The following NHEJ1 variants were observed in gnomAD, a reference collection of about 807,000 sequenced individuals.
The protein encoded by NHEJ1 is non-homologous end-joining factor 1.
A neutral mutation model predicts 39.4 loss-of-function variants in NHEJ1; 22 were observed. The ratio of observed to expected loss-of-function variants is 0.56; its 90% CI spans 0.40 to 0.80. The LOEUF is 0.80. Ranked by LOEUF, NHEJ1 falls within the 30% of genes least tolerant of loss-of-function variation. The pLI, the probability that NHEJ1 is intolerant of heterozygous loss-of-function variation, is 0.00. For missense variants in NHEJ1, 329 were observed against 357.1 expected (o/e 0.92, Z 0.63); for synonymous variants, 154 against 135.6 (o/e 1.14, Z -0.94).
chr2:219,090,420 T>C (rs1305151596), intron 5 of NHEJ1, among the ~76,000 whole-genome samples: 5 of 152,200 alleles, frequency 3.3e-5, no homozygotes, highest in Non-Finnish European at 7.3e-5. Flanking sequence ...GCCTGGCACA[T>C]AGGAAGGGCT....
rs961690810 is a variant in NHEJ1, at chr2:219,073,742, A to AGCCCTG, written c.*2633_*2638dup. On this transcript the variant is annotated 3_prime_UTR_variant, in exon 8 of 8. Coordinates refer to ENST00000356853, the MANE Select transcript of NHEJ1 (RefSeq NM_024782.3). ...GAAAGAGTCCCTTCTCCCACCAGCCAGCCCTGGCCCCAGCCCCAGCCCCGG... is the reference window on the plus strand; with the variant it reads ...GAAAGAGTCCCTTCTCCCACCAGCCAGCCCTGGCCCTGGCCCCAGCCCCAGCCCCGG... 6.6e-6 allele frequency among the ~76,000 whole-genome samples: 1 copy of AGCCCTG among 152,352 alleles called. No individual in the cohort carries two copies. Among genetic ancestry groups the AGCCCTG allele is most frequent in the African/African-American group, 2.4e-5 (1 of 41,590 alleles).
chr2:219,127,977 T>A (rs747652387), intron 5 of NHEJ1, among the ~76,000 whole-genome samples: 1 of 152,226 alleles, frequency 6.6e-6, no homozygotes, highest in Non-Finnish European at 1.5e-5. Flanking sequence ...TGAGATCAGA[T>A]TGCTTTTTAC....
intron 3 of NHEJ1, 127 bp from the exon 4 acceptor site, chr2:219,147,922 T>C: frequency 1.1e-6 from 1 of 903,714 alleles, no homozygotes; most frequent in Non-Finnish European, 1.7e-6. Flanking sequence ...CATAGGCAAG[T>C]AACCCATTTA....
chr2:219,159,348 AAT>A (rs754994403), intron 1 of NHEJ1: 3 of 151,736 alleles, frequency 2.0e-5, no homozygotes, highest in Non-Finnish European at 4.4e-5. Context: ...GGGAGAAAAA[AAT>A]ATGTCAATTT....
rs745329739 is a variant in NHEJ1 at position 219,078,073 on chromosome 2, C to T, written c.706+16G>A. 2.8e-5 allele frequency: 44 copies of T among 1,580,208 alleles called. No individual in the cohort carries two copies. The East Asian group carries it at 9.8e-4, about 35-fold the overall frequency. ...ATTGTATCCTCACACAGACCGGGTACCTCTGGAGGGCTCACCAGCGCCTTG... is the reference window on the plus strand; with the variant it reads ...ATTGTATCCTCACACAGACCGGGTATCTCTGGAGGGCTCACCAGCGCCTTG... On this transcript the variant is annotated intron_variant, in intron 6 of 7. Transcript: ENST00000356853.
In NHEJ1 at chr2:219,071,467, T is replaced by C. The variant is rs1224916426; in HGVS notation, c.*4914A>G. Among the ~76,000 whole-genome samples, 3 of 152,226 alleles carry C rather than the reference T, an allele frequency of 2.0e-5. No homozygotes were observed. Among genetic ancestry groups the C allele is most frequent in the African/African-American group, 4.8e-5 (2 of 41,446 alleles). The stretch of plus-strand genomic sequence containing the variant: ...ATTTCCACAGCAGGATTATAGGATC[T>C]GATTAACCATGTTAGACAACAATGC... On this transcript the variant is annotated 3_prime_UTR_variant, in exon 8 of 8. Coordinates refer to ENST00000356853, the MANE Select transcript of NHEJ1 (RefSeq NM_024782.3).
intron 5 of NHEJ1, among the ~76,000 whole-genome samples, chr2:219,132,851 A>G (rs1212462717): frequency 6.6e-6 from 1 of 152,234 alleles, no homozygotes; most frequent in African/African-American, 2.4e-5. Context: ...TTATGTATTT[A>G]GAATATTCTT....
At chr2:219,076,890 T>C (rs929254145) in intron 7 of NHEJ1, among the ~76,000 whole-genome samples, 2 of 152,174 alleles carry the variant, frequency 1.3e-5, no homozygotes, top group Admixed American at 1.3e-4. Context: ...TTGAAGTCTA[T>C]GTCAGACAGC....
chr2:219,103,155 A>C (rs554732229), intron 5 of NHEJ1, among the ~76,000 whole-genome samples: 1 of 146,816 alleles, frequency 6.8e-6, no homozygotes, highest in African/African-American at 2.6e-5. Context: ...CACTCTTTAT[A>C]AAAAAAAGCA....
chr2:219,081,868 T>C (rs765482592), intron 5 of NHEJ1, among the ~76,000 whole-genome samples: 9 of 152,196 alleles, frequency 5.9e-5, no homozygotes, highest in Non-Finnish European at 1.0e-4. Context: ...AAGTGAAGCA[T>C]AAAGGTGTGA....
chr2:219,159,553 ATATATAT>A (rs1949899687), intron 1 of NHEJ1, among the ~76,000 whole-genome samples: 1 of 3,934 alleles, frequency 2.5e-4, no homozygotes, highest in Non-Finnish European at 2.3e-3. Flanking sequence ...ATATATATGC[ATATATAT>A]ATGCATATAT....
chr2:219,151,448 T>A (rs1016390986), intron 3 of NHEJ1, among the ~76,000 whole-genome samples: 1 of 152,218 alleles, frequency 6.6e-6, no homozygotes, highest in African/African-American at 2.4e-5. Context: ...TAATGCCACA[T>A]CAGGCAACTG....
chr2:219,145,660 G>A (rs1057478685), intron 5 of NHEJ1, among the ~76,000 whole-genome samples: 12 of 152,132 alleles, frequency 7.9e-5, no homozygotes, highest in African/African-American at 2.2e-4. Flanking sequence ...TAGGCCGGGC[G>A]CAGTGGCTCA....
intron 5 of NHEJ1, 142 bp from the exon 6 acceptor site, chr2:219,078,348 C>G: frequency 1.4e-6 from 1 of 735,742 alleles, no homozygotes; most frequent in East Asian, 2.6e-5. Flanking sequence ...CATATCCAAG[C>G]CTGGTGGCAA....
chr2:219,108,599 C>T (rs946819525), intron 5 of NHEJ1, among the ~76,000 whole-genome samples: 1 of 152,184 alleles, frequency 6.6e-6, no homozygotes, highest in African/African-American at 2.4e-5. Context: ...TAGCACTTAC[C>T]AAATACATTT....
chr2:219,125,186 A>G (rs1949503894), intron 5 of NHEJ1, among the ~76,000 whole-genome samples: 1 of 152,036 alleles, frequency 6.6e-6, no homozygotes, highest in African/African-American at 2.4e-5. Flanking sequence ...CACATCATAG[A>G]TAGTGCAGAG....
rs1948985029 is a variant in NHEJ1 at position 219,073,627 on chromosome 2, C to A, written c.*2754G>T. 6.6e-6 allele frequency among the ~76,000 whole-genome samples: 1 copy of A among 152,194 alleles called. No homozygotes were observed. Among genetic ancestry groups the A allele is most frequent in the Non-Finnish European group, 1.5e-5 (1 of 68,024 alleles). On this transcript the variant is annotated 3_prime_UTR_variant, in exon 8 of 8. Transcript: ENST00000356853. ...GGTCAAGTTCCTGCAGGAACTTCCT[C>A]GAGGTCCCAAGTCCTGCTCCTGGTT...
chr2:219,077,623 C>T (rs1949026471), intron 6 of NHEJ1, among the ~76,000 whole-genome samples: 1 of 152,036 alleles, frequency 6.6e-6, no homozygotes, highest in African/African-American at 2.4e-5. Context: ...CTACATATTC[C>T]CTCACATGTC....
chr2:219,088,978 A>G (rs888896716), intron 5 of NHEJ1, among the ~76,000 whole-genome samples: 27 of 151,840 alleles, frequency 1.8e-4, no homozygotes, highest in African/African-American at 6.5e-4. Context: ...ACACCTGGCT[A>G]ATTTTTTCTT....
Sources: allele counts gnomAD v4.1 joint callset (sites outside exome capture counted in the v4.1 genomes callset), GRCh38; gene constraint gnomAD v4.1.1; transcripts MANE v1.5; gene names NCBI Gene and HGNC (gene_info 2026-07-23, HGNC 2026-07-21).